ACSBG1: variants seen among roughly 807,000 people sequenced by gnomAD.
The protein encoded by ACSBG1 is acyl-CoA synthetase bubblegum family member 1.
In ACSBG1, 39 loss-of-function variants were observed where a neutral mutation model predicts 80.2. That is an observed-to-expected ratio of 0.49 (90% CI 0.38 to 0.64). The LOEUF is 0.64. ACSBG1 is among the 30% of genes least tolerant of loss of function. The pLI is 0.00. For synonymous variants in ACSBG1, 392 were observed against 379.5 expected (o/e 1.03, Z -0.38); for missense variants, 828 against 966.4 (o/e 0.86, Z 1.90).
chr15:78,200,769 C>T (rs1365522105), intron 2 of ACSBG1, among the ~76,000 whole-genome samples: 1 of 152,212 alleles, frequency 6.6e-6, no homozygotes, highest in East Asian at 1.9e-4. Context: ...CTCCAGCCAC[C>T]GGCCTTTTCC....
rs1436208829 is a variant in ACSBG1 at position 78,179,639 on chromosome 15, A to G, written c.1395T>C (p.Gly465=). The stretch of plus-strand genomic sequence containing the variant: ...AGCCCGCATACAAGCGGATGTTGAG[A>G]CCCAGGAAGAAGTGCTGTGTCTCTG... ...MMAETQHFFL[G]LNIRLYAGYG... is the part of the protein sequence containing the mutation. Residue 465 remains glycine (G), a synonymous_variant, in exon 10 of 14, where the codon GGT becomes GGC. Coordinates refer to ENST00000258873, the MANE Select transcript of ACSBG1 (RefSeq NM_015162.5). 6.2e-7 allele frequency: 1 copy of G among 1,614,136 alleles called. No individual in the cohort carries two copies. The highest frequency in any genetic ancestry group is 8.5e-7 in the Non-Finnish European group (1 of 1,180,024).
chr15:78,216,575 G>A (rs1181992241), intron 1 of ACSBG1, among the ~76,000 whole-genome samples: 1 of 152,090 alleles, frequency 6.6e-6, no homozygotes, highest in Non-Finnish European at 1.5e-5. Flanking sequence ...AAGGGTGAGG[G>A]CAGGGGTGGT....
intron 2 of ACSBG1, 79 bp downstream of exon 2, chr15:78,207,923 A>ACCC: frequency 3.5e-6 from 1 of 284,792 alleles, no homozygotes; most frequent in Non-Finnish European, 7.2e-6. Context: ...GTGGTCCCCC[A>ACCC]CACCACCCAC....
intron 2 of ACSBG1, among the ~76,000 whole-genome samples, chr15:78,206,292 G>C (rs1007752626): frequency 2.6e-5 from 4 of 152,224 alleles, no homozygotes; most frequent in Admixed American, 6.5e-5. Context: ...GAGGGAGCTT[G>C]AGGTTCTGAG....
At chr15:78,230,328 G>A (rs2075436096) in intron 1 of ACSBG1, among the ~76,000 whole-genome samples, 1 of 152,238 alleles carries the variant, frequency 6.6e-6, no homozygotes, top group Admixed American at 6.5e-5. Flanking sequence ...TTGTGTGGCA[G>A]GGAAGGGAAC....
chr15:78,215,030 G>GC (rs565502544), intron 1 of ACSBG1, among the ~76,000 whole-genome samples: 15 of 152,126 alleles, frequency 9.9e-5, no homozygotes, highest in South Asian at 4.2e-4. Flanking sequence ...GCTGCTGGGA[G>GC]CCCCCCCATA....
intron 2 of ACSBG1, 57 bp from the exon 3 acceptor site, chr15:78,194,783 G>A (rs1203587470): frequency 6.4e-7 from 1 of 1,550,986 alleles, no homozygotes; most frequent in South Asian, 1.1e-5. Flanking sequence ...CACTTGTCCT[G>A]CCCTGGGCAG....
intron 1 of ACSBG1, among the ~76,000 whole-genome samples, chr15:78,231,777 C>G (rs2075449065): frequency 1.3e-5 from 2 of 152,104 alleles, no homozygotes; most frequent in African/African-American, 4.8e-5. Flanking sequence ...TTAGCAGAGA[C>G]AAGGTCTTGC....
At chr15:78,231,239 G>C (rs2075444602) in intron 1 of ACSBG1, among the ~76,000 whole-genome samples, 1 of 152,040 alleles carries the variant, frequency 6.6e-6, no homozygotes, top group Non-Finnish European at 1.5e-5. Flanking sequence ...TCCTGCCTCA[G>C]CCTCTCAAGT....
chr15:78,181,001 T>A (rs1382860603), intron 8 of ACSBG1, 65 bp from the exon 9 acceptor site: 1 of 1,562,002 alleles, frequency 6.4e-7, no homozygotes, highest in Non-Finnish European at 8.7e-7. Flanking sequence ...GGTCCCCTCT[T>A]ACCAGCCAGG....
chr15:78,194,531 C>T lies in ACSBG1; in HGVS notation c.428G>A (p.Arg143His), dbSNP rs555479488. The T allele has an allele frequency of 6.8e-6, 11 of 1,614,176 alleles. No individual in the cohort carries two copies. The highest frequency in any genetic ancestry group is 1.1e-5 in the South Asian group (1 of 91,090). ...CTTCAGGAAGCCCTTGGCGGCTCTG[C>T]GGGCGAGCAGGTAGTATTGGGAGTA... ...ISYSQYYLLA[R>H]RAAKGFLKLG... is the part of the protein sequence containing the mutation. Residue 143 changes from arginine (R) to histidine (H), a missense_variant, in exon 3 of 14, where the codon CGC becomes CAC. Around this residue, in one of 3 missense-constraint regions of ACSBG1, gnomAD observed 356 missense variants for 363.5 expected, o/e 0.98. Coordinates refer to ENST00000258873, the MANE Select transcript of ACSBG1 (RefSeq NM_015162.5).
At position 78,210,449 on chromosome 15, in the gene ACSBG1, T is replaced by G. The variant is rs28441275; in HGVS notation, c.132-2347A>C. Among the ~76,000 whole-genome samples the G allele has an allele frequency of 1.3e-3, 203 of 152,332 alleles. 1 individual carries two copies. The highest frequency in any genetic ancestry group is 4.8e-3 in the African/African-American group (199 of 41,566). On this transcript the variant is annotated intron_variant, in intron 1 of 13. Coordinates refer to ENST00000258873, the MANE Select transcript of ACSBG1 (RefSeq NM_015162.5). Reference sequence around the variant, plus strand: ...AGAATGTGCTAAACCTCCAGTAACTTCCTGCTCACACAGAGTTATAACCAG... The same window carrying G: ...AGAATGTGCTAAACCTCCAGTAACTGCCTGCTCACACAGAGTTATAACCAG...
intron 2 of ACSBG1, among the ~76,000 whole-genome samples, chr15:78,196,327 C>T (rs192515083): frequency 4.1e-4 from 62 of 152,366 alleles, no homozygotes; most frequent in African/African-American, 1.4e-3. Context: ...GAGCCTCTAA[C>T]TGTTGCATTT....
At chr15:78,186,123 G>T (rs1229133003) in intron 5 of ACSBG1, among the ~76,000 whole-genome samples, 1 of 152,246 alleles carries the variant, frequency 6.6e-6, no homozygotes, top group East Asian at 1.9e-4. Context: ...TTGTTGAATT[G>T]ACCCCTTTAC....
At chr15:78,224,453 C>T (rs187939183) in intron 1 of ACSBG1, among the ~76,000 whole-genome samples, 1 of 152,314 alleles carries the variant, frequency 6.6e-6, no homozygotes, top group Non-Finnish European at 1.5e-5. Flanking sequence ...GGCGTGGTGG[C>T]TCACTCCTGT....
chr15:78,209,935 T>C (rs1443833440), intron 1 of ACSBG1, among the ~76,000 whole-genome samples: 2 of 152,172 alleles, frequency 1.3e-5, no homozygotes, highest in Admixed American at 1.3e-4. Flanking sequence ...GCAGCACTTC[T>C]CTCCCCACAG....
At chr15:78,215,032 C>A (rs1317195408) in intron 1 of ACSBG1, among the ~76,000 whole-genome samples, 1 of 151,974 alleles carries the variant, frequency 6.6e-6, no homozygotes, top group African/African-American at 2.4e-5. Flanking sequence ...TGCTGGGAGC[C>A]CCCCCATAGA....
intron 1 of ACSBG1, among the ~76,000 whole-genome samples, chr15:78,208,893 A>G (rs1252407614): frequency 6.6e-6 from 1 of 152,116 alleles, no homozygotes; most frequent in Non-Finnish European, 1.5e-5. Context: ...CCAGACCTCA[A>G]CCTCCTAGAT....
At chr15:78,209,747 C>T (rs999239288) in intron 1 of ACSBG1, among the ~76,000 whole-genome samples, 1 of 152,132 alleles carries the variant, frequency 6.6e-6, no homozygotes, top group African/African-American at 2.4e-5. Flanking sequence ...TCTCAGAGGA[C>T]GGTGGACAGC....
Sources: gnomAD v4.1 joint callset for allele counts (sites outside exome capture counted in the v4.1 genomes callset) on GRCh38, gnomAD v4.1.1 for gene constraint, gnomAD v4.1.1 regional missense constraint, MANE v1.5 for transcripts, NCBI Gene and HGNC (gene_info 2026-07-23, HGNC 2026-07-21) for gene names.